The following FAM135B variants were observed in gnomAD, a reference collection of about 807,000 sequenced individuals.
The protein encoded by FAM135B is family with sequence similarity 135 member B, also known as protein FAM135B.
In FAM135B, 43 loss-of-function variants were observed where a neutral mutation model predicts 127.7. That is an observed-to-expected ratio of 0.34 (90% CI 0.26 to 0.43). FAM135B has a LOEUF of 0.43. FAM135B is among the 20% of genes least tolerant of loss of function. The probability of loss-of-function intolerance (pLI) is 1.00; values close to 1 mark genes in which losing one functional copy is unlikely to be tolerated. For synonymous variants in FAM135B, 670 were observed against 665.1 expected, an observed-to-expected ratio of 1.01 and a Z score of -0.11; for missense variants, 1,558 against 1,725.6, an observed-to-expected ratio of 0.90 and a Z score of 1.72.
At position 138,450,327 on chromosome 8, in the gene FAM135B, G is replaced by A. The variant is rs563733016; in HGVS notation, c.-20+46344C>T. Among the ~76,000 whole-genome samples, 13 of 152,346 alleles carry A rather than the reference G, an allele frequency of 8.5e-5. No individual in the cohort carries two copies. The South Asian group carries it at 2.5e-3, about 29-fold the overall frequency. ...TAAACATACATGTGCAGGTTTTCAT[G>A]TGGATATATGTTTTCAACTCCTTTG... On this transcript the variant is annotated intron_variant, in intron 1 of 19. Coordinates refer to ENST00000395297, the MANE Select transcript of FAM135B (RefSeq NM_015912.4).
intron 1 of FAM135B, among the ~76,000 whole-genome samples, chr8:138,383,806 G>T (rs1027529402): frequency 1.3e-5 from 2 of 152,122 alleles, no homozygotes; most frequent in Non-Finnish European, 2.9e-5. Context: ...GACCATTGCT[G>T]TATAAACACC....
chr8:138,371,920 C>T (rs1440275665), intron 1 of FAM135B, among the ~76,000 whole-genome samples: 1 of 152,210 alleles, frequency 6.6e-6, no homozygotes, highest in African/African-American at 2.4e-5. Context: ...TGTCCAGGCA[C>T]TCTGGCACTC....
chr8:138,196,967 C>T (rs187476097), intron 8 of FAM135B, among the ~76,000 whole-genome samples: 29 of 152,284 alleles, frequency 1.9e-4, no homozygotes, highest in African/African-American at 7.0e-4. Flanking sequence ...CATGATGTCT[C>T]ATCTTTGGAA....
At chr8:138,260,391 C>T (rs1021006390) in intron 4 of FAM135B, among the ~76,000 whole-genome samples, 12 of 152,144 alleles carry the variant, frequency 7.9e-5, no homozygotes, top group African/African-American at 2.4e-4. Flanking sequence ...CGCCGAATCA[C>T]GGGCTTGCAG....
At chr8:138,268,755 T>G (rs548099001) in intron 3 of FAM135B, among the ~76,000 whole-genome samples, 55 of 152,218 alleles carry the variant, frequency 3.6e-4, no homozygotes, top group Non-Finnish European at 7.1e-4. Context: ...GATGGCAGTC[T>G]TTCCTAGCTA....
At chr8:138,352,683 G>A (rs1829856023) in intron 2 of FAM135B, among the ~76,000 whole-genome samples, 1 of 152,150 alleles carries the variant, frequency 6.6e-6, no homozygotes, top group Non-Finnish European at 1.5e-5. Context: ...TGCTCAATCT[G>A]TTTTCCTCAA....
At chr8:138,140,044 T>A (rs11993581) in intron 17 of FAM135B, among the ~76,000 whole-genome samples, 17,627 of 152,246 alleles carry the variant, frequency 0.12, 1,859 homozygotes, top group African/African-American at 0.27. Flanking sequence ...TATTTTATGA[T>A]GCTGCAAGAT....
At chr8:138,353,218 G>T (rs577656009) in intron 2 of FAM135B, among the ~76,000 whole-genome samples, 7 of 152,212 alleles carry the variant, frequency 4.6e-5, no homozygotes, top group African/African-American at 1.7e-4. Flanking sequence ...GTAAAACCGG[G>T]TTTATATGTC....
chr8:138,406,611 A>G (rs879193030), intron 1 of FAM135B, among the ~76,000 whole-genome samples: 1 of 152,180 alleles, frequency 6.6e-6, no homozygotes, highest in Admixed American at 6.5e-5. Flanking sequence ...CAATACATGC[A>G]AATCAATAAA....
chr8:138,304,740 A>G (rs1396486988), intron 3 of FAM135B, among the ~76,000 whole-genome samples: 1 of 152,196 alleles, frequency 6.6e-6, no homozygotes, highest in Non-Finnish European at 1.5e-5. Context: ...GACAAAGGAT[A>G]CAGTGGCAAT....
At chr8:138,336,205 G>T (rs549112460) in intron 2 of FAM135B, among the ~76,000 whole-genome samples, 1 of 152,028 alleles carries the variant, frequency 6.6e-6, no homozygotes, top group East Asian at 1.9e-4. Context: ...AACTAGAGAA[G>T]CAAGAGCAAA....
intron 1 of FAM135B, 122 bp from the exon 2 acceptor site, chr8:138,368,124 A>T (rs1830875772): frequency 1.5e-6 from 1 of 665,168 alleles, no homozygotes; most frequent in African/African-American, 1.8e-5. Context: ...GTGTCCACTG[A>T]ACGTCACCAC....
At chr8:138,206,299 TC>T in intron 7 of FAM135B, among the ~76,000 whole-genome samples, 1 of 151,346 alleles carries the variant, frequency 6.6e-6, no homozygotes, top group East Asian at 2.0e-4. Flanking sequence ...AGCTCTATCA[TC>T]CCCTCCACCT....
rs1228170747 is a variant in FAM135B at position 138,241,806 on chromosome 8, C to G, written c.669+1136G>C. On this transcript the variant is annotated intron_variant, in intron 7 of 19. Transcript: ENST00000395297. This position sits in a 1 kb window ranked among gnomAD's most constrained non-coding sequence, Gnocchi z 4.8. ...CCCAGACGTTTGGTTGAACATTATT[C>G]TAGGTAAGCCTGTGAGGGTATGTCT... Among the ~76,000 whole-genome samples, 1 of 152,162 alleles carries G rather than the reference C, an allele frequency of 6.6e-6. No homozygotes were observed. The highest frequency in any genetic ancestry group is 1.9e-4 in the East Asian group (1 of 5,188).
chr8:138,370,314 G>A (rs925783423), intron 1 of FAM135B, among the ~76,000 whole-genome samples: 2 of 151,974 alleles, frequency 1.3e-5, no homozygotes, highest in Admixed American at 6.6e-5. Flanking sequence ...TAGAGTTTTG[G>A]AACTTGTAAA....
chr8:138,418,446 C>T (rs560738893), intron 1 of FAM135B, among the ~76,000 whole-genome samples: 11 of 151,598 alleles, frequency 7.3e-5, no homozygotes, highest in South Asian at 2.1e-4. Flanking sequence ...CAGAAAACTG[C>T]GAGATGCTAT....
At position 138,414,293 on chromosome 8, in the gene FAM135B, T is replaced by C. The variant is rs775690324; in HGVS notation, c.-19-46291A>G. Among the ~76,000 whole-genome samples, 25 of 152,182 alleles carry C rather than the reference T, an allele frequency of 1.6e-4. No homozygotes were observed. In the South Asian group the frequency reaches 3.3e-3, roughly 20 times the overall value. On this transcript the variant is annotated intron_variant, in intron 1 of 19. Coordinates refer to ENST00000395297, the MANE Select transcript of FAM135B (RefSeq NM_015912.4). Reference sequence around the variant, plus strand: ...CACTGAGCCTCAATTTTCTCATCCATACAACTGAACCATATGTGCCTGCAT... The same window carrying C: ...CACTGAGCCTCAATTTTCTCATCCACACAACTGAACCATATGTGCCTGCAT...
intron 1 of FAM135B, among the ~76,000 whole-genome samples, chr8:138,444,217 C>A: frequency 6.6e-6 from 1 of 152,086 alleles, no homozygotes; most frequent in Non-Finnish European, 1.5e-5. Context: ...CTTTAACACC[C>A]CACTGTCAAC....
intron 7 of FAM135B, among the ~76,000 whole-genome samples, chr8:138,202,391 A>G (rs1441634359): frequency 6.6e-6 from 1 of 152,122 alleles, no homozygotes; most frequent in Admixed American, 6.5e-5. Flanking sequence ...CTGGGACTAC[A>G]GGCATGCACC....
Sources: gnomAD v4.1 joint callset for allele counts (sites outside exome capture counted in the v4.1 genomes callset) on GRCh38, gnomAD v4.1.1 for gene constraint, Gnocchi (gnomAD v3.1) non-coding constraint, MANE v1.5 for transcripts, NCBI Gene and HGNC (gene_info 2026-07-23, HGNC 2026-07-21) for gene names.